Variants in OR6N1 observed in about 807,000 individuals in gnomAD.
OR6N1 encodes the protein olfactory receptor 6N1.
For synonymous variants in OR6N1, 170 were observed against 150.7 expected, an observed-to-expected ratio of 1.13 and a Z score of -0.94; for missense variants, 394 against 371.7, an observed-to-expected ratio of 1.06 and a Z score of -0.49.
chr1:158,828,783 G>C, the OR6N1 span, among the ~76,000 whole-genome samples: 1 of 152,258 alleles, frequency 6.6e-6, no homozygotes, highest in Non-Finnish European at 1.5e-5. Context: ...TGCCCTAGCA[G>C]AGGTTCTCCA....
At chr1:158,786,535 C>T in the OR6N1 span, among the ~76,000 whole-genome samples, 10 of 152,232 alleles carry the variant, frequency 6.6e-5, no homozygotes, top group East Asian at 1.9e-3. Flanking sequence ...TTGAAAAAGA[C>T]ATGGACCTGC....
At chr1:158,825,667 A>G in the OR6N1 span, among the ~76,000 whole-genome samples, 108 of 152,336 alleles carry the variant, frequency 7.1e-4, 1 homozygote, top group Middle Eastern at 6.8e-3. Context: ...ATGCTTATAC[A>G]TGGCTGGTAG....
chr1:158,797,199 T>C, the OR6N1 span, among the ~76,000 whole-genome samples: 1 of 152,242 alleles, frequency 6.6e-6, no homozygotes, highest in Non-Finnish European at 1.5e-5. Context: ...CAGGAATTTT[T>C]CTCCATTCAA....
the OR6N1 span, among the ~76,000 whole-genome samples, chr1:158,794,844 G>A: frequency 6.6e-6 from 1 of 152,162 alleles, no homozygotes; most frequent in Non-Finnish European, 1.5e-5. Context: ...CCAGGAGGTG[G>A]TACCCGTAAA....
the OR6N1 span, among the ~76,000 whole-genome samples, chr1:158,779,005 C>T: frequency 4.3e-5 from 3 of 69,770 alleles, no homozygotes; most frequent in Non-Finnish European, 7.9e-5. Flanking sequence ...GGCGACAGTG[C>T]GAGACTGCGT....
the OR6N1 span, among the ~76,000 whole-genome samples, chr1:158,793,650 G>A: frequency 2.2e-4 from 34 of 152,240 alleles, no homozygotes; most frequent in Admixed American, 1.8e-3. Flanking sequence ...CTGTGGGGCT[G>A]GAATGTCAGA....
the OR6N1 span, among the ~76,000 whole-genome samples, chr1:158,816,565 C>T: frequency 1.3e-5 from 2 of 152,162 alleles, no homozygotes; most frequent in Non-Finnish European, 2.9e-5. Flanking sequence ...TGGCACATGC[C>T]TGCAGTTCCA....
chr1:158,837,058 A>G, the OR6N1 span, among the ~76,000 whole-genome samples: 1 of 151,926 alleles, frequency 6.6e-6, no homozygotes, highest in East Asian at 1.9e-4. Flanking sequence ...ATAAAAAAAT[A>G]TACTCTGTAT....
chr1:158,783,574 C>G, the OR6N1 span, among the ~76,000 whole-genome samples: 1 of 152,206 alleles, frequency 6.6e-6, no homozygotes, highest in African/African-American at 2.4e-5. Flanking sequence ...CCTGACCACT[C>G]TGTCTAAACA....
chr1:158,819,231 GATCA>G, the OR6N1 span, among the ~76,000 whole-genome samples: 1 of 152,214 alleles, frequency 6.6e-6, no homozygotes, highest in African/African-American at 2.4e-5. Flanking sequence ...TGGGAATGTA[GATCA>G]GGATGTCAAA....
chr1:158,774,647 C>T (rs1452417404), upstream of OR6N1: 2 of 152,048 alleles, frequency 1.3e-5, no homozygotes, highest in Non-Finnish European at 2.9e-5. Flanking sequence ...TTACGCATAA[C>T]CATATCATGT....
upstream of OR6N1, chr1:158,774,657 T>A (rs1292207976): frequency 6.6e-6 from 1 of 152,132 alleles, no homozygotes; most frequent in Non-Finnish European, 1.5e-5. Context: ...CCATATCATG[T>A]TAAAAATGAA....
chr1:158,787,608 A>G, the OR6N1 span, among the ~76,000 whole-genome samples: 1 of 140,500 alleles, frequency 7.1e-6, no homozygotes, highest in Admixed American at 7.1e-5. Context: ...CTCTCTCTCT[A>G]TCTATCTCTC....
chr1:158,840,103 G>A, the OR6N1 span, among the ~76,000 whole-genome samples: 4 of 152,118 alleles, frequency 2.6e-5, no homozygotes, highest in African/African-American at 9.7e-5. Flanking sequence ...TACATTGTAT[G>A]TAGGCACTGC....
At chr1:158,778,395 G>C in the OR6N1 span, among the ~76,000 whole-genome samples, 3 of 152,150 alleles carry the variant, frequency 2.0e-5, no homozygotes, top group African/African-American at 7.2e-5. Context: ...GAAGATCTGG[G>C]ATCAGCTGTG....
intron 1 of OR6N1, among the ~76,000 whole-genome samples, chr1:158,771,677 G>A (rs1025637938): frequency 3.3e-5 from 5 of 152,116 alleles, no homozygotes; most frequent in African/African-American, 1.2e-4. Flanking sequence ...GGGTAAGAAG[G>A]GAGATGCAAT....
At chr1:158,785,574 G>A in the OR6N1 span, among the ~76,000 whole-genome samples, 3 of 152,094 alleles carry the variant, frequency 2.0e-5, no homozygotes, top group African/African-American at 2.4e-5. Context: ...TCCAGGATAT[G>A]TTCTTAAGAC....
chr1:158,783,001 C>G, the OR6N1 span, among the ~76,000 whole-genome samples: 5,990 of 152,188 alleles, frequency 0.039, 398 homozygotes, highest in African/African-American at 0.14. Context: ...TACTCTTTTC[C>G]TTTTTAGTGT....
At chr1:158,790,972 G>T in the OR6N1 span, among the ~76,000 whole-genome samples, 2 of 152,076 alleles carry the variant, frequency 1.3e-5, no homozygotes, top group African/African-American at 4.8e-5. Context: ...GGTTTTTATC[G>T]TAAAGTGATG....
Sources: gnomAD v4.1 joint callset for allele counts (sites outside exome capture counted in the v4.1 genomes callset) on GRCh38, gnomAD v4.1.1 for gene constraint, MANE v1.5 for transcripts, NCBI Gene and HGNC (gene_info 2026-07-23, HGNC 2026-07-21) for gene names.